The following NUDCD3 variants were observed in gnomAD, a reference collection of about 807,000 sequenced individuals.
NUDCD3 encodes the protein NudC domain containing 3.
In NUDCD3, 13 loss-of-function variants were observed where a neutral mutation model predicts 39.7. That is an observed-to-expected ratio of 0.33 (90% confidence interval 0.21 to 0.52). NUDCD3 has a LOEUF of 0.52. NUDCD3 is among the 20% of genes least tolerant of loss of function. The pLI, the probability that NUDCD3 is intolerant of heterozygous loss-of-function variation, is 0.96. For missense variants in NUDCD3, 453 were observed against 458.1 expected (o/e 0.99, Z 0.10); for synonymous variants, 175 against 172.4 (o/e 1.02, Z -0.12).
intron 2 of NUDCD3, among the ~76,000 whole-genome samples, chr7:44,481,832 C>A (rs918793337): frequency 2.0e-5 from 3 of 152,128 alleles, no homozygotes; most frequent in African/African-American, 7.2e-5. Context: ...GTGATCAGGG[C>A]TCTGCCTTCA....
At chr7:44,422,931 A>T (rs1401658721) in intron 3 of NUDCD3, among the ~76,000 whole-genome samples, 5 of 151,984 alleles carry the variant, frequency 3.3e-5, no homozygotes, top group Non-Finnish European at 7.4e-5. Context: ...CACATCAAAA[A>T]GCTTATCTAC....
intron 2 of NUDCD3, among the ~76,000 whole-genome samples, chr7:44,434,700 A>G (rs1799433511): frequency 6.6e-6 from 1 of 152,270 alleles, no homozygotes; most frequent in South Asian, 2.1e-4. Context: ...CAATGTCTCC[A>G]AGCCAGTCCC....
intron 2 of NUDCD3, among the ~76,000 whole-genome samples, chr7:44,439,233 C>T (rs1215362060): frequency 6.6e-6 from 1 of 152,184 alleles, no homozygotes; most frequent in African/African-American, 2.4e-5. Flanking sequence ...TGTTGGCCAA[C>T]AATTTGTCAG....
At chr7:44,465,527 C>T (rs1476223529) in intron 2 of NUDCD3, among the ~76,000 whole-genome samples, 2 of 152,206 alleles carry the variant, frequency 1.3e-5, no homozygotes, top group South Asian at 2.1e-4. Context: ...GAACTCTCTG[C>T]ACTTCCTGCT....
At chr7:44,477,584 C>T (rs996319021) in intron 2 of NUDCD3, among the ~76,000 whole-genome samples, 1 of 152,124 alleles carries the variant, frequency 6.6e-6, no homozygotes, top group African/African-American at 2.4e-5. Flanking sequence ...ACGGCCCATG[C>T]CCAGGAAACC....
At chr7:44,412,926 CAAAAA>C (rs767754442) in intron 3 of NUDCD3, among the ~76,000 whole-genome samples, 3 of 43,896 alleles carry the variant, frequency 6.8e-5, no homozygotes, top group African/African-American at 1.6e-4. Context: ...GACGCCGTCT[CAAAAA>C]AAAAAAAAAA....
chr7:44,430,922 C>A (rs980744329), intron 2 of NUDCD3, among the ~76,000 whole-genome samples: 111 of 152,160 alleles, frequency 7.3e-4, no homozygotes, highest in African/African-American at 2.6e-3. Flanking sequence ...TCACACAGAA[C>A]CTGCCTAACC....
intron 2 of NUDCD3, among the ~76,000 whole-genome samples, chr7:44,472,859 T>C (rs1252478140): frequency 6.6e-6 from 1 of 152,190 alleles, no homozygotes; most frequent in Non-Finnish European, 1.5e-5. Flanking sequence ...TGAGACAACC[T>C]AGCAACCTAG....
intron 1 of NUDCD3, among the ~76,000 whole-genome samples, chr7:44,488,146 C>T (rs896600264): frequency 6.6e-6 from 1 of 151,686 alleles, no homozygotes; most frequent in South Asian, 2.1e-4. Context: ...ACCAGTCTCG[C>T]CAACATGATG....
At chr7:44,468,386 G>C in intron 2 of NUDCD3, 5 of 1,122,568 alleles carry the variant, frequency 4.5e-6, no homozygotes, top group Non-Finnish European at 6.3e-6. Flanking sequence ...GAAAACTAAG[G>C]CCCAGGGAGA....
chr7:44,437,197 G>C (rs1290549171), intron 2 of NUDCD3, among the ~76,000 whole-genome samples: 1 of 150,728 alleles, frequency 6.6e-6, no homozygotes, highest in African/African-American at 2.4e-5. Flanking sequence ...AGCCTCCCAA[G>C]TAGCTGGGAT....
chr7:44,389,128 C>A (rs1256725424), intron 5 of NUDCD3, among the ~76,000 whole-genome samples: 1 of 152,268 alleles, frequency 6.6e-6, no homozygotes, highest in African/African-American at 2.4e-5. Context: ...CAGAGCAGGG[C>A]AGCAGGGCAT....
At chr7:44,487,610 T>C (rs925466023) in intron 1 of NUDCD3, among the ~76,000 whole-genome samples, 2 of 152,154 alleles carry the variant, frequency 1.3e-5, no homozygotes, top group East Asian at 3.9e-4. Flanking sequence ...TTGTCAATAC[T>C]GAAATCACCT....
intron 2 of NUDCD3, among the ~76,000 whole-genome samples, chr7:44,480,370 C>A (rs571123563): frequency 6.6e-6 from 1 of 152,264 alleles, no homozygotes; most frequent in African/African-American, 2.4e-5. Flanking sequence ...AGAACACTCA[C>A]AATTCCACCA....
At chr7:44,446,561 AGGGTGGCT>A (rs934252953) in intron 2 of NUDCD3, among the ~76,000 whole-genome samples, 3 of 152,220 alleles carry the variant, frequency 2.0e-5, no homozygotes, top group Non-Finnish European at 4.4e-5. Flanking sequence ...GCCTGCTCTG[AGGGTGGCT>A]GGATGGCTGG....
At chr7:44,403,546 T>C (rs11766983) in intron 4 of NUDCD3, among the ~76,000 whole-genome samples, 20,519 of 152,140 alleles carry the variant, frequency 0.13, 1,693 homozygotes, top group Non-Finnish European at 0.19. Context: ...GTACCTGGCC[T>C]GCATGTCCCT....
Position 44,490,393 on chromosome 7 carries a change from G to A in NUDCD3, c.192+16C>T. ...GGGGGCGGCGGCTCCCCAGACCGCA[G>A]GCCCGCCCGCCTCACCTGCAGCACC... On this transcript the variant is annotated intron_variant, in intron 1 of 5. Transcript: ENST00000355451. 1.3e-6 allele frequency: 2 copies of A among 1,531,748 alleles called. No individual in the cohort carries two copies. The highest frequency in any genetic ancestry group is 1.2e-5 in the South Asian group (1 of 82,340). 94.9% of individuals were successfully genotyped at this position (1,531,748 alleles called of 1,614,324 possible).
At chr7:44,447,184 A>G (rs1360974563) in intron 2 of NUDCD3, among the ~76,000 whole-genome samples, 1 of 152,246 alleles carries the variant, frequency 6.6e-6, no homozygotes, top group African/African-American at 2.4e-5. Context: ...GTCCCATCTC[A>G]GCATGGGATG....
chr7:44,464,225 A>G (rs1441727288), intron 2 of NUDCD3, among the ~76,000 whole-genome samples: 1 of 147,246 alleles, frequency 6.8e-6, no homozygotes, highest in Non-Finnish European at 1.5e-5. Flanking sequence ...AAAAAAAAAA[A>G]AAAAGAAAAA....
Sources: gnomAD v4.1 joint callset for allele counts (sites outside exome capture counted in the v4.1 genomes callset) on GRCh38, gnomAD v4.1.1 for gene constraint, MANE v1.5 for transcripts, NCBI Gene and HGNC (gene_info 2026-07-23, HGNC 2026-07-21) for gene names.